TMPRSS15: variants seen among roughly 807,000 people sequenced by gnomAD.
TMPRSS15 encodes the protein enteropeptidase.
TMPRSS15 carries 128 observed loss-of-function variants against 125.3 expected under a neutral mutation model. The observed-to-expected ratio is 1.02, with a 90% confidence interval of 0.89 to 1.18. The LOEUF is 1.18. Among genes scored for constraint, TMPRSS15 ranks in the 50% most tolerant of loss-of-function variants. TMPRSS15 has a pLI of 0.00. For missense variants in TMPRSS15, 1,283 were observed against 1,212.7 expected (o/e 1.06, Z -0.86); for synonymous variants, 446 against 423.2 (o/e 1.05, Z -0.66).
chr21:18,330,793 C>T (rs1433783710), intron 14 of TMPRSS15, among the ~76,000 whole-genome samples: 2 of 152,030 alleles, frequency 1.3e-5, no homozygotes, highest in African/African-American at 2.4e-5. Flanking sequence ...TGTCTTCAGG[C>T]CGGGCACGGT....
At chr21:18,325,889 C>T (rs1420357881) in intron 16 of TMPRSS15, among the ~76,000 whole-genome samples, 1 of 151,810 alleles carries the variant, frequency 6.6e-6, no homozygotes, top group Non-Finnish European at 1.5e-5. Flanking sequence ...ATTTTGTTTG[C>T]TCCTGTTGAT....
chr21:18,428,216 A>G (rs758207232), intron 1 of TMPRSS15, among the ~76,000 whole-genome samples: 56 of 152,364 alleles, frequency 3.7e-4, no homozygotes, highest in Admixed American at 9.8e-4. Flanking sequence ...TTTAAATTCA[A>G]ATTTGACTGT....
chr21:18,290,840 A>G (rs1479984209), intron 21 of TMPRSS15, among the ~76,000 whole-genome samples: 1 of 152,220 alleles, frequency 6.6e-6, no homozygotes, highest in Non-Finnish European at 1.5e-5. Flanking sequence ...TTGTTCAGAA[A>G]AAAAAGTCTC....
At chr21:18,324,483 G>A (rs2075270043) in intron 16 of TMPRSS15, among the ~76,000 whole-genome samples, 2 of 152,144 alleles carry the variant, frequency 1.3e-5, no homozygotes, top group South Asian at 4.1e-4. Flanking sequence ...GAGTTTCACA[G>A]AAAATTGCTA....
intron 13 of TMPRSS15, among the ~76,000 whole-genome samples, chr21:18,337,735 C>A (rs146560128): frequency 1.5e-3 from 230 of 152,208 alleles, no homozygotes; most frequent in Non-Finnish European, 2.7e-3. Context: ...GTGCTCTATA[C>A]GAACCCAAAG....
At chr21:18,383,893 A>T in intron 3 of TMPRSS15, 115 bp from the exon 4 acceptor site, 1 of 1,240,210 alleles carries the variant, frequency 8.1e-7, no homozygotes, top group Non-Finnish European at 1.1e-6. Context: ...GCTAATTCTC[A>T]TTATACCTGT....
intron 15 of TMPRSS15, among the ~76,000 whole-genome samples, chr21:18,327,537 G>T (rs529072316): frequency 6.6e-6 from 1 of 152,060 alleles, no homozygotes; most frequent in Non-Finnish European, 1.5e-5. Context: ...TTCTACATAA[G>T]GGTTGACTGA....
intron 3 of TMPRSS15, among the ~76,000 whole-genome samples, chr21:18,385,889 G>C (rs1421957084): frequency 6.6e-6 from 1 of 151,906 alleles, no homozygotes; most frequent in Non-Finnish European, 1.5e-5. Context: ...GACTACAGGT[G>C]CCCGACACCA....
chr21:18,439,422 A>G (rs946503847), intron 1 of TMPRSS15, among the ~76,000 whole-genome samples: 9 of 152,114 alleles, frequency 5.9e-5, no homozygotes, highest in Non-Finnish European at 5.9e-5. Context: ...CTTTACTCAA[A>G]GTAGTCTTTT....
intron 18 of TMPRSS15, among the ~76,000 whole-genome samples, chr21:18,303,088 G>A (rs916618761): frequency 2.0e-5 from 3 of 152,006 alleles, no homozygotes; most frequent in African/African-American, 7.2e-5. Context: ...ATCTTATTTC[G>A]TCAGGAAAAT....
At chr21:18,275,884 C>A (rs1411983174) in intron 23 of TMPRSS15, among the ~76,000 whole-genome samples, 1 of 152,080 alleles carries the variant, frequency 6.6e-6, no homozygotes, top group Non-Finnish European at 1.5e-5. Context: ...AGAAAGGAGG[C>A]ATTTAAAAAA....
chr21:18,283,365 T>C (rs983379412), intron 21 of TMPRSS15, among the ~76,000 whole-genome samples: 5 of 12,568 alleles, frequency 4.0e-4, no homozygotes, highest in African/African-American at 2.2e-3. Flanking sequence ...ATTGTATGAT[T>C]TTTTTTTTAC....
At position 18,280,575 on chromosome 21, in the gene TMPRSS15, C is replaced by CAAAAA. The variant is rs1230513414; in HGVS notation, c.2668+460_2668+464dup. Among the ~76,000 whole-genome samples, 18 of 48,300 alleles carry CAAAAA rather than the reference C, an allele frequency of 3.7e-4. 1 individual carries two copies. Among genetic ancestry groups the CAAAAA allele is most frequent in the African/African-American group, 7.5e-4 (8 of 10,654 alleles). 31.7% of individuals were successfully genotyped at this position (48,300 alleles called of 152,430 possible). On this transcript the variant is annotated intron_variant, in intron 22 of 24. Transcript: ENST00000284885. ...TGGGCAACAGAGCGAGACTCCGTCT[C>CAAAAA]AAAAAAAAAAAAAAAAAAAACAACA...
At chr21:18,363,166 TAATC>T (rs1267528563) in intron 7 of TMPRSS15, among the ~76,000 whole-genome samples, 2 of 152,170 alleles carry the variant, frequency 1.3e-5, no homozygotes, top group Non-Finnish European at 2.9e-5. Flanking sequence ...ACTAATATAA[TAATC>T]AACTTTGAGA....
chr21:18,343,789 G>T, intron 11 of TMPRSS15, 133 bp from the exon 12 acceptor site: 1 of 1,171,202 alleles, frequency 8.5e-7, no homozygotes. Context: ...TGCTGGGGAT[G>T]GGGAGAGGTG....
intron 1 of TMPRSS15, among the ~76,000 whole-genome samples, chr21:18,449,660 G>A (rs1412250158): frequency 6.6e-6 from 1 of 152,018 alleles, no homozygotes; most frequent in Admixed American, 6.6e-5. Flanking sequence ...AGTACAATTA[G>A]CAGTCAGTAC....
chr21:18,310,384 CA>C (rs902420705), intron 18 of TMPRSS15, among the ~76,000 whole-genome samples: 1 of 151,662 alleles, frequency 6.6e-6, no homozygotes, highest in African/African-American at 2.4e-5. Flanking sequence ...ATAAACAAAA[CA>C]AAATCATTAC....
chr21:18,295,213 TA>T (rs1220795923), intron 19 of TMPRSS15, among the ~76,000 whole-genome samples: 6 of 152,178 alleles, frequency 3.9e-5, no homozygotes, highest in Non-Finnish European at 7.4e-5. Flanking sequence ...GAAGCACATA[TA>T]AAAGAAAGCA....
At chr21:18,357,507 A>C (rs2075637658) in intron 8 of TMPRSS15, among the ~76,000 whole-genome samples, 1 of 151,752 alleles carries the variant, frequency 6.6e-6, no homozygotes, top group African/African-American at 2.4e-5. Flanking sequence ...AATCCCACTT[A>C]CCCTAAGTAA....
Sources: allele counts gnomAD v4.1 joint callset (sites outside exome capture counted in the v4.1 genomes callset), GRCh38; gene constraint gnomAD v4.1.1; transcripts MANE v1.5; gene names NCBI Gene and HGNC (gene_info 2026-07-23, HGNC 2026-07-21).